The following KCTD8 variants were observed in gnomAD, a reference collection of about 807,000 sequenced individuals.
KCTD8 encodes BTB/POZ domain-containing protein KCTD8.
A neutral mutation model predicts 31.5 loss-of-function variants in KCTD8; 27 were observed. The ratio of observed to expected loss-of-function variants is 0.86; its 90% CI spans 0.63 to 1.18. The LOEUF (loss-of-function observed/expected upper bound fraction) is 1.18. Among genes scored for constraint, KCTD8 ranks in the 50% most tolerant of loss-of-function variants. The pLI is 0.00. For missense variants in KCTD8, 658 were observed against 647.7 expected, an observed-to-expected ratio of 1.02 and a Z score of -0.17; for synonymous variants, 290 against 280.0, an observed-to-expected ratio of 1.04 and a Z score of -0.36.
intron 1 of KCTD8, among the ~76,000 whole-genome samples, chr4:44,273,391 T>G (rs1361844953): frequency 6.6e-6 from 1 of 151,974 alleles, no homozygotes; most frequent in Non-Finnish European, 1.5e-5. Flanking sequence ...ATAAAAATTT[T>G]CTAAAAGAAA....
chr4:44,411,854 A>C (rs1001039776), intron 1 of KCTD8, among the ~76,000 whole-genome samples: 6 of 152,076 alleles, frequency 3.9e-5, no homozygotes, highest in Non-Finnish European at 8.8e-5. Flanking sequence ...AGAGGCATGG[A>C]AGGATTCTAT....
At chr4:44,424,607 G>C (rs1721300918) in intron 1 of KCTD8, among the ~76,000 whole-genome samples, 1 of 151,932 alleles carries the variant, frequency 6.6e-6, no homozygotes, top group South Asian at 2.1e-4. Context: ...TCCACAAAAA[G>C]TAAGTTTGGC....
rs769210211 is a variant in KCTD8, at chr4:44,448,428, G to T, written c.96C>A (p.Ala32=). 1 of 1,555,274 alleles carries T rather than the reference G, an allele frequency of 6.4e-7. No homozygotes were observed. Among genetic ancestry groups the T allele is most frequent in the Non-Finnish European group, 8.6e-7 (1 of 1,158,034 alleles). The change falls in exon 1 of 2, where the codon GCC becomes GCA. Residue 32 remains alanine (A), a synonymous_variant. Coordinates refer to ENST00000360029, the MANE Select transcript of KCTD8 (RefSeq NM_198353.3). The surrounding 1 kb of genome is among the most constrained non-coding windows in gnomAD (Gnocchi z 4.1). ...GCGAGGGTGCGCAGGGCCCCGGGGC[G>T]GCGGCGGCCGACGCGCCGGGCGAGC... ...SSSSPGASAA[A]APGPCAPSPF... is the part of the protein sequence containing the mutation.
rs180932770 is a variant in KCTD8 at position 44,385,611 on chromosome 4, C to T, written c.961+61952G>A. Among the ~76,000 whole-genome samples, 497 of 151,634 alleles carry T rather than the reference C, an allele frequency of 3.3e-3. 1 individual carries two copies. Among genetic ancestry groups the T allele is most frequent in the Non-Finnish European group, 5.7e-3 (385 of 67,672 alleles). On this transcript the variant is annotated intron_variant, in intron 1 of 1. Transcript: ENST00000360029. ...AACTTTAAAACTCTTACAACAAAAT[C>T]GGGAAAGCTTCATGGCACTGGATTT... is the stretch of plus-strand genomic sequence containing the variant.
At chr4:44,347,930 T>G (rs1037797694) in intron 1 of KCTD8, among the ~76,000 whole-genome samples, 1 of 152,170 alleles carries the variant, frequency 6.6e-6, no homozygotes, top group African/African-American at 2.4e-5. Context: ...ATACAGCCTT[T>G]CACTTGAAAT....
In KCTD8 at chr4:44,236,234, C is replaced by G. The variant is rs577454260; in HGVS notation, c.962-60984G>C. 2.0e-4 allele frequency among the ~76,000 whole-genome samples: 30 copies of G among 152,256 alleles called. No homozygotes were observed. The South Asian group carries it at 6.0e-3, about 31-fold the overall frequency. ...TGCTCCCAATATCTTTTGGTGTCTT[C>G]CACTACCCAAATCCTACCAAAAGCT... On this transcript the variant is annotated intron_variant, in intron 1 of 1. Coordinates refer to ENST00000360029, the MANE Select transcript of KCTD8 (RefSeq NM_198353.3).
At chr4:44,297,384 C>A (rs759630962) in intron 1 of KCTD8, among the ~76,000 whole-genome samples, 4 of 152,004 alleles carry the variant, frequency 2.6e-5, no homozygotes, top group Admixed American at 6.6e-5. Flanking sequence ...TCCCCTGTTT[C>A]TCAGATGTAT....
intron 1 of KCTD8, among the ~76,000 whole-genome samples, chr4:44,399,731 T>C (rs1720598113): frequency 6.6e-6 from 1 of 152,018 alleles, no homozygotes; most frequent in African/African-American, 2.4e-5. Context: ...AAAAGAACAA[T>C]CAAGTCATAC....
At chr4:44,212,934 G>T (rs1156321247) in intron 1 of KCTD8, among the ~76,000 whole-genome samples, 1 of 151,236 alleles carries the variant, frequency 6.6e-6, no homozygotes, top group Non-Finnish European at 1.5e-5. Context: ...TTGTTTTTTT[G>T]TTTGTTTGTT....
At chr4:44,270,836 C>G (rs1294853813) in intron 1 of KCTD8, among the ~76,000 whole-genome samples, 2 of 152,042 alleles carry the variant, frequency 1.3e-5, no homozygotes, top group Admixed American at 1.3e-4. Flanking sequence ...TAGTCTTGTA[C>G]TACATTTAAA....
intron 1 of KCTD8, among the ~76,000 whole-genome samples, chr4:44,331,095 G>T (rs537146821): frequency 1.3e-5 from 2 of 151,906 alleles, no homozygotes; most frequent in South Asian, 4.2e-4. Flanking sequence ...TAGGTATGTG[G>T]AGAAGGCATG....
At chr4:44,353,580 A>G (rs1325391417) in intron 1 of KCTD8, among the ~76,000 whole-genome samples, 1 of 151,950 alleles carries the variant, frequency 6.6e-6, no homozygotes, top group Non-Finnish European at 1.5e-5. Flanking sequence ...ATCTAACTAT[A>G]TTTTTGTACC....
intron 1 of KCTD8, among the ~76,000 whole-genome samples, chr4:44,398,798 A>G (rs1720574254): frequency 6.6e-6 from 1 of 152,154 alleles, no homozygotes; most frequent in African/African-American, 2.4e-5. Context: ...CATGGAAGAA[A>G]CAGCATTTAC....
At chr4:44,262,046 T>C (rs932457891) in intron 1 of KCTD8, among the ~76,000 whole-genome samples, 1 of 151,994 alleles carries the variant, frequency 6.6e-6, no homozygotes, top group African/African-American at 2.4e-5. Flanking sequence ...TGAAGTAATA[T>C]TGAAATAGAA....
At chr4:44,264,974 A>T (rs938012976) in intron 1 of KCTD8, among the ~76,000 whole-genome samples, 1 of 152,208 alleles carries the variant, frequency 6.6e-6, no homozygotes, top group Admixed American at 6.5e-5. Flanking sequence ...GCACAGACAA[A>T]CAAAAAGATA....
intron 1 of KCTD8, among the ~76,000 whole-genome samples, chr4:44,185,854 C>T (rs1656312866): frequency 6.6e-6 from 1 of 151,722 alleles, no homozygotes; most frequent in African/African-American, 2.4e-5. Context: ...TAACTTTCAT[C>T]CCTGTGTTCT....
intron 1 of KCTD8, among the ~76,000 whole-genome samples, chr4:44,331,733 A>T (rs939412296): frequency 6.7e-6 from 1 of 148,296 alleles, no homozygotes. Flanking sequence ...ATATAGTTTT[A>T]TATATATATA....
intron 1 of KCTD8, among the ~76,000 whole-genome samples, chr4:44,374,713 G>A (rs1406449389): frequency 1.3e-5 from 2 of 152,104 alleles, no homozygotes; most frequent in Non-Finnish European, 2.9e-5. Context: ...TGTGGGGGGA[G>A]GCTGATTGGT....
At chr4:44,364,855 C>A in intron 1 of KCTD8, among the ~76,000 whole-genome samples, 1 of 150,982 alleles carries the variant, frequency 6.6e-6, no homozygotes, top group Non-Finnish European at 1.5e-5. Flanking sequence ...AAAGGGAAAA[C>A]TATAAAGCCA....
Sources: allele counts gnomAD v4.1 joint callset (sites outside exome capture counted in the v4.1 genomes callset), GRCh38; gene constraint gnomAD v4.1.1; non-coding constraint Gnocchi (gnomAD v3.1); transcripts MANE v1.5; gene names NCBI Gene and HGNC (gene_info 2026-07-23, HGNC 2026-07-21).